The following POLR3E variants were observed in gnomAD, a reference collection of about 807,000 sequenced individuals.
The protein encoded by POLR3E is DNA-directed RNA polymerase III subunit RPC5.
A neutral mutation model predicts 96.6 loss-of-function variants in POLR3E; 41 were observed. The ratio of observed to expected loss-of-function variants is 0.42; its 90% CI spans 0.33 to 0.55. The LOEUF (loss-of-function observed/expected upper bound fraction) is 0.55, where lower values mean the gene tolerates loss of function less well. Among genes scored for constraint, POLR3E ranks in the 20% least tolerant of loss-of-function variants. The pLI is 0.06. For synonymous variants in POLR3E, 396 were observed against 383.6 expected (o/e 1.03, Z -0.38); for missense variants, 849 against 952.1 (o/e 0.89, Z 1.43).
intron 3 of POLR3E, among the ~76,000 whole-genome samples, chr16:22,307,853 C>G (rs546708445): frequency 2.0e-5 from 3 of 152,258 alleles, no homozygotes; most frequent in Non-Finnish European, 2.9e-5. Flanking sequence ...CTGTGGGTTC[C>G]TGGAGCAGCA....
At chr16:22,317,447 G>A (rs1333143034) in intron 12 of POLR3E, among the ~76,000 whole-genome samples, 3 of 152,344 alleles carry the variant, frequency 2.0e-5, no homozygotes, top group Non-Finnish European at 2.9e-5. Context: ...CCCCACAGGC[G>A]GGCTCGGGTT....
chr16:22,303,024 C>T lies in POLR3E; in HGVS notation c.36+20C>T. ...CAGGAGGTAACTGCTGCTCTCTGTCCCCTGCCGCCGGGGCTACAGGCAGTG... is the reference window on the plus strand; with the variant it reads ...CAGGAGGTAACTGCTGCTCTCTGTCTCCTGCCGCCGGGGCTACAGGCAGTG... On this transcript the variant is annotated intron_variant, in intron 2 of 20. Transcript: ENST00000299853. 1 of 1,611,484 alleles carries T rather than the reference C, an allele frequency of 6.2e-7. No homozygotes were observed. The highest frequency in any genetic ancestry group is 8.5e-7 in the Non-Finnish European group (1 of 1,178,136).
chr16:22,306,125 A>G (rs1009389436), intron 3 of POLR3E, among the ~76,000 whole-genome samples: 1 of 152,130 alleles, frequency 6.6e-6, no homozygotes, highest in Non-Finnish European at 1.5e-5. Flanking sequence ...GGTTTTGCCT[A>G]TTCCGGACTT....
Position 22,326,074 on chromosome 16 carries a change from C to G in POLR3E, c.1662C>G (p.Ala554=), listed in dbSNP as rs760184867. The G allele has an allele frequency of 1.1e-5, 18 of 1,612,432 alleles. No individual in the cohort carries two copies. Among genetic ancestry groups the G allele is most frequent in the Non-Finnish European group, 1.5e-5 (18 of 1,179,102 alleles). Residue 554 remains alanine, a synonymous_variant, in exon 18 of 21, where the codon GCC becomes GCG. Coordinates refer to ENST00000299853, the MANE Select transcript of POLR3E (RefSeq NM_018119.4). ...ACGGGCACCCGCCCCAGGGCTGCGC[C>G]AGCACCCCTGTGGCTCGGGAACTGA... ...SFNGHPPQGC[A]STPVARELKA...
chr16:22,307,359 C>T (rs1232160263), intron 3 of POLR3E, among the ~76,000 whole-genome samples: 2 of 152,172 alleles, frequency 1.3e-5, no homozygotes, highest in African/African-American at 2.4e-5. Flanking sequence ...ATGACCGTCT[C>T]CTTGCGCTAG....
At chr16:22,314,057 C>A in intron 7 of POLR3E, 22 bp from the exon 8 acceptor site, 2 of 1,610,506 alleles carry the variant, frequency 1.2e-6, no homozygotes, top group South Asian at 2.2e-5. Context: ...GGACTGCAGT[C>A]AGTGGCTTGT....
At chr16:22,319,353 T>A (rs1317598552) in intron 13 of POLR3E, among the ~76,000 whole-genome samples, 2 of 152,156 alleles carry the variant, frequency 1.3e-5, no homozygotes, top group African/African-American at 4.8e-5. Context: ...AAATCTACAG[T>A]GCTTTCTATT....
intron 16 of POLR3E, 147 bp from the exon 17 acceptor site, chr16:22,325,058 G>A: frequency 2.8e-6 from 2 of 724,002 alleles, no homozygotes; most frequent in Non-Finnish European, 5.0e-6. Flanking sequence ...CACTCTGCCA[G>A]AAGAGGGACT....
Position 22,317,162 on chromosome 16 carries a change from G to T in POLR3E, c.821G>T (p.Arg274Leu), listed in dbSNP as rs1403521906. 1.2e-6 allele frequency: 2 copies of T among 1,613,826 alleles called. No individual in the cohort carries two copies. Among genetic ancestry groups the T allele is most frequent in the South Asian group, 2.2e-5 (2 of 91,094 alleles). The change falls in exon 12 of 21, where the codon CGC (arginine) becomes CTC (leucine). Residue 274 changes from arginine (R) to leucine (L), a missense_variant. Transcript: ENST00000299853. ...PSNVLSMAQL[R>L]TLPLADQIKI... ...AACGTCCTGTCGATGGCCCAGCTGC[G>T]CACGCTGCCCCTGGCCGATCAGATC...
In POLR3E at chr16:22,308,158, G is replaced by A. The variant is rs1197228508; in HGVS notation, c.98G>A (p.Arg33His). 1.4e-5 allele frequency: 22 copies of A among 1,613,070 alleles called. No individual in the cohort carries two copies. The highest frequency in any genetic ancestry group is 1.6e-4 in the Middle Eastern group (1 of 6,078). ...EKLYLFQYPV[R>H]PASMTYDDIP... ...CCTTCCCCTCCCCAGTACCCTGTGCGTCCAGCCTCGATGACCTACGATGAC... is the reference window on the plus strand; with the variant it reads ...CCTTCCCCTCCCCAGTACCCTGTGCATCCAGCCTCGATGACCTACGATGAC... The change falls in exon 4 of 21, where the codon CGT becomes CAT. Residue 33 changes from arginine (R) to histidine (H), a missense_variant. Transcript: ENST00000299853.
chr16:22,328,648 G>C, intron 19 of POLR3E, 61 bp downstream of exon 19: 1 of 1,378,362 alleles, frequency 7.3e-7, no homozygotes, highest in Non-Finnish European at 1.0e-6. Context: ...CAGCGTTGGA[G>C]GCCTTGGGGG....
Position 22,325,272 on chromosome 16 carries a change from T to C in POLR3E, c.1348+6T>C. The C allele has an allele frequency of 6.2e-7, 1 of 1,611,716 alleles. No individual in the cohort carries two copies. Among genetic ancestry groups the C allele is most frequent in the South Asian group, 1.1e-5 (1 of 91,028 alleles). On this transcript the variant is annotated splice_donor_region_variant and intron_variant, in intron 17 of 20. Transcript: ENST00000299853. The stretch of plus-strand genomic sequence containing the variant: ...GAAGCCGGATGCACAATCAGGTGTG[T>C]GAGGGGCTTTGGGCTGGGAGGCCCC...
intron 8 of POLR3E, 88 bp downstream of exon 8, chr16:22,314,216 G>C (rs2048309838): frequency 3.8e-6 from 4 of 1,038,992 alleles, no homozygotes; most frequent in Non-Finnish European, 6.0e-6. Context: ...ACAGAATGCA[G>C]GTGGAGCAGA....
At chr16:22,307,474 A>T (rs1406573621) in intron 3 of POLR3E, among the ~76,000 whole-genome samples, 2 of 152,214 alleles carry the variant, frequency 1.3e-5, no homozygotes, top group East Asian at 3.9e-4. Flanking sequence ...GGAGGGGTCC[A>T]GACTTTGACT....
chr16:22,326,213 G>C lies in POLR3E; in HGVS notation c.1801G>C (p.Gly601Arg), dbSNP rs773304266. The change falls in exon 18 of 21, where the codon GGC becomes CGC. Residue 601 changes from glycine (G) to arginine (R), a missense_variant. Physicochemically the swap from Gly to Arg is moderately radical, Grantham distance 125 (BLOSUM62 -2). Transcript: ENST00000299853. Reference protein sequence around the residue: ...SLPPGHTLFSGISDRMLQDTV... With the variant: ...SLPPGHTLFSRISDRMLQDTV... Reference sequence around the variant, plus strand: ...GCCCCCCGGCCACACACTCTTCAGCGGCATCTCGGACCGCATGCTACAGGA... The same window carrying C: ...GCCCCCCGGCCACACACTCTTCAGCCGCATCTCGGACCGCATGCTACAGGA... The C allele has an allele frequency of 5.6e-6, 9 of 1,613,624 alleles. No individual in the cohort carries two copies. In the East Asian group the frequency reaches 1.8e-4, roughly 32 times the overall value.
At chr16:22,307,642 C>T (rs2048160862) in intron 3 of POLR3E, among the ~76,000 whole-genome samples, 1 of 152,246 alleles carries the variant, frequency 6.6e-6, no homozygotes, top group African/African-American at 2.4e-5. Context: ...AGGAAGCTCA[C>T]ACAACCAGAT....
intron 3 of POLR3E, among the ~76,000 whole-genome samples, chr16:22,307,382 C>T (rs2048155018): frequency 6.6e-6 from 1 of 152,154 alleles, no homozygotes; most frequent in African/African-American, 2.4e-5. Context: ...TGTAGCTGAT[C>T]TGAAAGGGCC....
In POLR3E at chr16:22,318,566, T is replaced by G. The variant is rs2048406171; in HGVS notation, c.866-260T>G. 6.6e-6 allele frequency among the ~76,000 whole-genome samples: 1 copy of G among 152,180 alleles called. No individual in the cohort carries two copies. The highest frequency in any genetic ancestry group is 1.5e-5 in the Non-Finnish European group (1 of 68,022). On this transcript the variant is annotated intron_variant, in intron 12 of 20. Transcript: ENST00000299853. The surrounding 1 kb of genome is among the most constrained non-coding windows in gnomAD (Gnocchi z 5.0). Reference sequence around the variant, plus strand: ...AAGCCTTTCCAGGTCTGAGTAGTAATAGACCCTTCCTCCTGAGGCACCCCT... The same window carrying G: ...AAGCCTTTCCAGGTCTGAGTAGTAAGAGACCCTTCCTCCTGAGGCACCCCT...
intron 6 of POLR3E, chr16:22,309,816 A>G (rs2048209151): frequency 4.5e-6 from 2 of 443,936 alleles, no homozygotes; most frequent in Non-Finnish European, 8.3e-6. Context: ...TTGTCTTTAA[A>G]TATGAAGCTT....
Sources: gnomAD v4.1 joint callset for allele counts (sites outside exome capture counted in the v4.1 genomes callset) on GRCh38, gnomAD v4.1.1 for gene constraint, Gnocchi (gnomAD v3.1) non-coding constraint, MANE v1.5 for transcripts, NCBI Gene and HGNC (gene_info 2026-07-23, HGNC 2026-07-21) for gene names.